Variants in GMPR observed in about 807,000 individuals in gnomAD.
GMPR encodes guanosine monophosphate reductase.
Under a neutral mutation model 38.4 loss-of-function variants are expected in GMPR, and 31 were observed. That is an observed-to-expected ratio of 0.81 (90% CI 0.61 to 1.09). GMPR has a LOEUF of 1.09. Among genes scored for constraint, GMPR ranks in the 50% least tolerant of loss-of-function variants. The probability of loss-of-function intolerance (pLI) is 0.00; values close to 1 mark genes in which losing one functional copy is unlikely to be tolerated. For missense variants in GMPR, 468 were observed against 453.7 expected (o/e 1.03, Z -0.29); for synonymous variants, 162 against 173.3 (o/e 0.93, Z 0.51).
At chr6:16,246,561 G>T (rs776533539) in intron 1 of GMPR, among the ~76,000 whole-genome samples, 12 of 152,168 alleles carry the variant, frequency 7.9e-5, no homozygotes, top group South Asian at 4.1e-4. Flanking sequence ...TGCGGGTGGG[G>T]CGAAGATAAC....
intron 1 of GMPR, among the ~76,000 whole-genome samples, chr6:16,245,632 A>G (rs1296731099): frequency 6.6e-6 from 1 of 152,222 alleles, no homozygotes; most frequent in Non-Finnish European, 1.5e-5. Flanking sequence ...AGCCAGAGAA[A>G]CAAACGATGC....
intron 1 of GMPR, among the ~76,000 whole-genome samples, chr6:16,240,818 C>G (rs1347126021): frequency 6.6e-6 from 1 of 152,126 alleles, no homozygotes; most frequent in East Asian, 1.9e-4. Flanking sequence ...CTTGAGGAGT[C>G]TCTTTTGTAT....
At chr6:16,287,855 C>A (rs1759718579) in intron 7 of GMPR, among the ~76,000 whole-genome samples, 1 of 152,200 alleles carries the variant, frequency 6.6e-6, no homozygotes, top group African/African-American at 2.4e-5. Flanking sequence ...TTCTGTCATG[C>A]TGAACTGTAA....
chr6:16,273,855 G>T (rs373512684), intron 4 of GMPR, among the ~76,000 whole-genome samples: 1 of 129,872 alleles, frequency 7.7e-6, no homozygotes, highest in Non-Finnish European at 1.5e-5. Context: ...TTGCTCTGTC[G>T]TCCAGGCTGG....
At chr6:16,253,593 C>T (rs904011562) in intron 3 of GMPR, among the ~76,000 whole-genome samples, 4 of 151,356 alleles carry the variant, frequency 2.6e-5, no homozygotes, top group Non-Finnish European at 4.4e-5. Flanking sequence ...ACCCATACAC[C>T]TCCCACCAGG....
intron 5 of GMPR, 23 bp from the exon 6 acceptor site, chr6:16,278,761 G>A (rs1251489997): frequency 1.3e-6 from 2 of 1,531,510 alleles, no homozygotes; most frequent in African/African-American, 2.7e-5. Context: ...ATCTATTTGG[G>A]GACAACTTCT....
At chr6:16,257,218 GTAACACGTCTACA>G (rs773430690) in intron 4 of GMPR, among the ~76,000 whole-genome samples, 84 of 152,266 alleles carry the variant, frequency 5.5e-4, no homozygotes, top group Non-Finnish European at 6.3e-4. Context: ...TTCCTGGCGG[GTAACACGTCTACA>G]TGCCTGGAGG....
Position 16,285,805 on chromosome 6 carries a change from A to T in GMPR, c.667A>T (p.Thr223Ser). 1 of 1,613,300 alleles carries T rather than the reference A, an allele frequency of 6.2e-7. No homozygotes were observed. The highest frequency in any genetic ancestry group is 1.1e-5 in the South Asian group (1 of 90,896). Residue 223 changes from threonine (T) to serine (S), a missense_variant, in exon 7 of 9, where the codon ACG (threonine) becomes TCG (serine). Coordinates refer to ENST00000259727, the MANE Select transcript of GMPR (RefSeq NM_006877.4). Reference protein sequence around the residue: ...KGHIISDGGCTCPGDVAKAFG... With the variant: ...KGHIISDGGCSCPGDVAKAFG... ...TTCCTCTGTGAAGGATGGAGGCTGT[A>T]CGTGTCCAGGGGATGTCGCCAAAGC...
At chr6:16,249,665 A>T (rs938647498) in intron 2 of GMPR, among the ~76,000 whole-genome samples, 1 of 152,206 alleles carries the variant, frequency 6.6e-6, no homozygotes, top group African/African-American at 2.4e-5. Context: ...CGAAGCTAAT[A>T]ATGCTGTTCA....
At chr6:16,239,659 G>T (rs1431961423) in intron 1 of GMPR, among the ~76,000 whole-genome samples, 1 of 152,232 alleles carries the variant, frequency 6.6e-6, no homozygotes, top group East Asian at 1.9e-4. Flanking sequence ...ACACGAGGAG[G>T]CTGGGCCAAC....
rs188654436 is a variant in GMPR, at chr6:16,288,312, C to A, written c.698-2150C>A. 1.6e-4 allele frequency among the ~76,000 whole-genome samples: 25 copies of A among 152,324 alleles called. No individual in the cohort carries two copies. The East Asian group carries it at 3.7e-3, about 22-fold the overall frequency. On this transcript the variant is annotated intron_variant, in intron 7 of 8. Transcript: ENST00000259727. ...AGGCGCTTGCGGGCCAGCTGGAGTTCCGGGTGGGTGTGGGCTTGGCAGGCC... is the reference window on the plus strand; with the variant it reads ...AGGCGCTTGCGGGCCAGCTGGAGTTACGGGTGGGTGTGGGCTTGGCAGGCC...
intron 4 of GMPR, among the ~76,000 whole-genome samples, chr6:16,266,123 GTAACACT>G (rs1561826919): frequency 1.8e-5 from 1 of 54,854 alleles, no homozygotes; most frequent in Non-Finnish European, 2.9e-5. Context: ...TTTAAGAGCT[GTAACACT>G]TGCCATCTTT....
chr6:16,278,794 C>T lies in GMPR; in HGVS notation c.558C>T (p.Cys186=). Residue 186 remains cysteine, a synonymous_variant, in exon 6 of 9, where the codon TGC becomes TGT. Transcript: ENST00000259727. ...TCTTTCTCTGTGCAGGTTCTGTGTG[C>T]ACCACCCGCACCAAGACGGGAGTGG... The part of the protein sequence containing the change: ...IKVGVGPGSV[C]TTRTKTGVGY... The T allele has an allele frequency of 1.2e-6, 2 of 1,612,596 alleles. No homozygotes were observed. The highest frequency in any genetic ancestry group is 1.7e-6 in the Non-Finnish European group (2 of 1,178,514).
chr6:16,266,684 G>C (rs945931283), intron 4 of GMPR, among the ~76,000 whole-genome samples: 5 of 151,644 alleles, frequency 3.3e-5, no homozygotes, highest in African/African-American at 1.2e-4. Flanking sequence ...AGTGGCGGGC[G>C]CCTGTAGTCC....
chr6:16,254,418 T>A (rs1281159357), intron 3 of GMPR, 144 bp from the exon 4 acceptor site: 1 of 662,914 alleles, frequency 1.5e-6, no homozygotes, highest in Non-Finnish European at 2.7e-6. Context: ...GTTGCATGTG[T>A]CTTGAGCAGG....
intron 3 of GMPR, among the ~76,000 whole-genome samples, chr6:16,254,079 T>G (rs1338152236): frequency 6.6e-6 from 1 of 152,104 alleles, no homozygotes; most frequent in Admixed American, 6.5e-5. Flanking sequence ...TACAGGCACC[T>G]GCCACCACGC....
chr6:16,266,849 C>T (rs1759253254), intron 4 of GMPR, among the ~76,000 whole-genome samples: 1 of 151,776 alleles, frequency 6.6e-6, no homozygotes, highest in Admixed American at 6.6e-5. Context: ...GGCTTCACTC[C>T]TGAAGTCAGC....
In GMPR at chr6:16,238,648, C is replaced by T. The variant is rs1581642013; in HGVS notation, c.-46C>T. The T allele has an allele frequency of 3.2e-6, 3 of 946,374 alleles. No homozygotes were observed. The highest frequency in any genetic ancestry group is 1.2e-4 in the East Asian group (2 of 16,970). The allele number at this position is 946,374 out of a possible 1,614,324, so 58.6% of individuals were successfully genotyped here. ...CTCCCCGCGCCGCCCCGCGCAGGCG[C>T]CCCCGCCCCGCCGTCGCCGCCGCCG... On this transcript the variant is annotated 5_prime_UTR_variant, in exon 1 of 9. Coordinates refer to ENST00000259727, the MANE Select transcript of GMPR (RefSeq NM_006877.4).
intron 8 of GMPR, among the ~76,000 whole-genome samples, chr6:16,290,931 G>A (rs548479115): frequency 2.0e-5 from 3 of 152,204 alleles, no homozygotes; most frequent in Admixed American, 6.5e-5. Context: ...TGTCCTTCCA[G>A]TAGAGCCTGT....
Sources: gnomAD v4.1 joint callset for allele counts (sites outside exome capture counted in the v4.1 genomes callset) on GRCh38, gnomAD v4.1.1 for gene constraint, MANE v1.5 for transcripts, NCBI Gene and HGNC (gene_info 2026-07-23, HGNC 2026-07-21) for gene names.